Variants in USP34 observed in about 807,000 individuals in gnomAD.
USP34 encodes ubiquitin carboxyl-terminal hydrolase 34.
A neutral mutation model predicts 460.3 loss-of-function variants in USP34; 70 were observed. The ratio of observed to expected loss-of-function variants is 0.15; its 90% CI spans 0.13 to 0.19. The LOEUF is 0.19. Among genes scored for constraint, USP34 ranks in the 10% least tolerant of loss-of-function variants. The probability of loss-of-function intolerance (pLI) is 1.00; values close to 1 mark genes in which losing one functional copy is unlikely to be tolerated. For synonymous variants in USP34, 1,647 were observed against 1,405.3 expected (o/e 1.17, Z -3.85); for missense variants, 3,985 against 4,236.2 (o/e 0.94, Z 1.65).
intron 8 of USP34, among the ~76,000 whole-genome samples, chr2:61,375,521 G>C (rs931348429): frequency 6.6e-6 from 1 of 152,100 alleles, no homozygotes; most frequent in African/African-American, 2.4e-5. Context: ...TGTAATCCCA[G>C]CACTTTGGGA....
intron 1 of USP34, among the ~76,000 whole-genome samples, chr2:61,467,418 G>C (rs534376879): frequency 6.6e-6 from 1 of 151,974 alleles, no homozygotes; most frequent in South Asian, 2.1e-4. Flanking sequence ...CTGCCGAGGC[G>C]GGATTACAGG....
At chr2:61,261,312 A>T (rs1355194506) in intron 43 of USP34, among the ~76,000 whole-genome samples, 5 of 152,254 alleles carry the variant, frequency 3.3e-5, no homozygotes, top group Non-Finnish European at 7.3e-5. Flanking sequence ...AATAAATTAT[A>T]ATTCAGCCTT....
At chr2:61,283,051 C>T (rs539142278) in intron 37 of USP34, 94 bp downstream of exon 37, 17 of 1,304,096 alleles carry the variant, frequency 1.3e-5, no homozygotes, top group African/African-American at 3.0e-5. Flanking sequence ...TATGGACTCA[C>T]GCATATTTGT....
chr2:61,445,469 A>C (rs1257002994), intron 1 of USP34, among the ~76,000 whole-genome samples: 1 of 149,406 alleles, frequency 6.7e-6, no homozygotes, highest in Non-Finnish European at 1.5e-5. Context: ...CGGGAGGCAG[A>C]GTTTGCAGTG....
At chr2:61,379,654 G>C (rs926564254) in intron 7 of USP34, among the ~76,000 whole-genome samples, 4 of 152,204 alleles carry the variant, frequency 2.6e-5, no homozygotes, top group African/African-American at 9.7e-5. Flanking sequence ...CTGTTGTTAT[G>C]CAAGAATACA....
intron 39 of USP34, among the ~76,000 whole-genome samples, chr2:61,279,549 C>G (rs1019473904): frequency 6.6e-6 from 1 of 152,062 alleles, no homozygotes; most frequent in East Asian, 1.9e-4. Context: ...CTGACTGCAA[C>G]CTCTGCCTCC....
intron 20 of USP34, among the ~76,000 whole-genome samples, chr2:61,327,034 C>G (rs1691117029): frequency 6.6e-6 from 1 of 152,052 alleles, no homozygotes; most frequent in Admixed American, 6.6e-5. Flanking sequence ...GACCCACCCA[C>G]CTTGGCCTCC....
At chr2:61,234,198 A>C (rs1198836957) in intron 57 of USP34, among the ~76,000 whole-genome samples, 2 of 152,196 alleles carry the variant, frequency 1.3e-5, no homozygotes, top group Non-Finnish European at 2.9e-5. Flanking sequence ...AGATTCCCTT[A>C]CTCTATTTCT....
At chr2:61,196,707 A>G (rs893508574) in intron 75 of USP34, among the ~76,000 whole-genome samples, 2 of 151,586 alleles carry the variant, frequency 1.3e-5, no homozygotes, top group African/African-American at 4.9e-5. Flanking sequence ...TGATTTTTCT[A>G]TTTTTTGTAG....
Position 61,333,907 on chromosome 2 carries a change from T to A in USP34, c.2809A>T (p.Ser937Cys). 1 of 1,591,072 alleles carries A rather than the reference T, an allele frequency of 6.3e-7. No homozygotes were observed. Among genetic ancestry groups the A allele is most frequent in the Non-Finnish European group, 8.6e-7 (1 of 1,168,728 alleles). Residue 937 changes from serine (S) to cysteine (C), a missense_variant, in exon 19 of 80, where the codon AGT becomes TGT. Physicochemically the swap from Ser to Cys is moderately radical, Grantham distance 112. Transcript: ENST00000398571. ...ATTGTTATCCAGTGTGTATCGTAAC[T>A]GCTCCCAAACTGCTGAAAAGTACCA... ...LFGTFQQFGS[S>C]YDTHWITMWA... is the part of the protein sequence containing the mutation.
At chr2:61,409,488 TG>T (rs1165172808) in intron 2 of USP34, among the ~76,000 whole-genome samples, 1 of 152,030 alleles carries the variant, frequency 6.6e-6, no homozygotes, top group Non-Finnish European at 1.5e-5. Context: ...CCAAGGCAGG[TG>T]GATCACTTGA....
intron 16 of USP34, 131 bp downstream of exon 16, chr2:61,343,684 A>T: frequency 1.1e-6 from 1 of 901,786 alleles, no homozygotes; most frequent in Admixed American, 2.9e-5. Flanking sequence ...AAAAAAAACT[A>T]CCATATGTAA....
At chr2:61,339,225 T>C in intron 18 of USP34, 126 bp downstream of exon 18, 1 of 912,948 alleles carries the variant, frequency 1.1e-6, no homozygotes, top group Non-Finnish European at 1.5e-6. Flanking sequence ...AAACTATAAT[T>C]ACTAAAAAAC....
intron 44 of USP34, among the ~76,000 whole-genome samples, chr2:61,258,438 G>C (rs1012696969): frequency 3.9e-5 from 6 of 152,216 alleles, no homozygotes; most frequent in Admixed American, 6.5e-5. Context: ...AAGAGGCATG[G>C]TGACTTGGAA....
At chr2:61,376,121 G>A (rs558191822) in intron 8 of USP34, among the ~76,000 whole-genome samples, 46 of 152,090 alleles carry the variant, frequency 3.0e-4, no homozygotes, top group African/African-American at 1.0e-3. Flanking sequence ...TCTAGAATTG[G>A]ACTGTGGTGA....
At chr2:61,409,435 C>T (rs541670932) in intron 2 of USP34, among the ~76,000 whole-genome samples, 4 of 152,140 alleles carry the variant, frequency 2.6e-5, no homozygotes, top group Non-Finnish European at 4.4e-5. Context: ...GTGTTAGGGC[C>T]GGACACGGTG....
intron 20 of USP34, among the ~76,000 whole-genome samples, chr2:61,329,728 G>A (rs1179715616): frequency 1.3e-5 from 2 of 152,004 alleles, no homozygotes; most frequent in East Asian, 1.9e-4. Flanking sequence ...GTTTTAACCA[G>A]GTAACTACAA....
chr2:61,413,403 TAAA>T (rs1313607053), intron 2 of USP34, among the ~76,000 whole-genome samples: 1 of 100,480 alleles, frequency 1.0e-5, no homozygotes, highest in Non-Finnish European at 2.1e-5. Flanking sequence ...AAAATTAAAA[TAAA>T]AAAATAAAAA....
chr2:61,383,920 C>A (rs1693054867), intron 5 of USP34, among the ~76,000 whole-genome samples: 1 of 152,040 alleles, frequency 6.6e-6, no homozygotes, highest in African/African-American at 2.4e-5. Flanking sequence ...AAGACAAAAC[C>A]ATCTCTCAAA....
Sources: allele counts gnomAD v4.1 joint callset (sites outside exome capture counted in the v4.1 genomes callset), GRCh38; gene constraint gnomAD v4.1.1; transcripts MANE v1.5; gene names NCBI Gene and HGNC (gene_info 2026-07-23, HGNC 2026-07-21).